DMD: variants seen among roughly 807,000 people sequenced by gnomAD.
DMD encodes the protein dystrophin, also known as mutant dystrophin.
DMD carries 63 observed loss-of-function variants against 330.1 expected under a neutral mutation model. The ratio of observed to expected loss-of-function variants is 0.19; its 90% CI spans 0.16 to 0.24. The LOEUF is 0.24. Among genes scored for constraint, DMD ranks in the 10% least tolerant of loss-of-function variants. DMD has a pLI of 1.00. For synonymous variants in DMD, 1,223 were observed against 959.8 expected (o/e 1.27, Z -5.07); for missense variants, 3,344 against 2,684.1 (o/e 1.25, Z -5.43).
intron 43 of DMD, among the ~76,000 whole-genome samples, chrX:32,233,599 T>TTTATTTA (rs1557228748): frequency 6.1e-4 from 54 of 87,936 alleles, no homozygotes; most frequent in East Asian, 5.4e-3. Context: ...TTTCTTTTTC[T>TTTATTTA]TTTATTTATT....
At chrX:31,757,705 C>T (rs756377338) in intron 51 of DMD, among the ~76,000 whole-genome samples, 9 of 110,109 alleles carry the variant, frequency 8.2e-5, no homozygotes, top group Non-Finnish European at 3.8e-5. Flanking sequence ...CTAATCACCC[C>T]CCCAAACCCC....
intron 48 of DMD, among the ~76,000 whole-genome samples, chrX:31,842,140 C>T (rs922960781): frequency 1.3e-4 from 14 of 111,396 alleles, no homozygotes; most frequent in African/African-American, 4.2e-4. Flanking sequence ...TATTCCAACC[C>T]TCATGAATGC....
chrX:32,752,984 A>G (rs1274361828), intron 7 of DMD, among the ~76,000 whole-genome samples: 1 of 110,731 alleles, frequency 9.0e-6, no homozygotes, highest in East Asian at 2.9e-4. Flanking sequence ...AAATTACCCA[A>G]TCTCAGGTAT....
rs1341464423 is a variant in DMD, at chrX:33,009,234, ATATACACATGTGCATATATGTGTATG to A, written c.93+10879_93+10904del. ...TACACATATGTGCATATATGTGTAT[ATATACACATGTGCATATATGTGTATG>A]TGTGTATATATACACATATGTGTAT... is the stretch of plus-strand genomic sequence containing the variant. On this transcript the variant is annotated intron_variant, in intron 2 of 78. Coordinates refer to ENST00000357033, the MANE Select transcript of DMD (RefSeq NM_004006.3). 1.2e-3 allele frequency among the ~76,000 whole-genome samples: 110 copies of A among 88,522 alleles called. 8 individuals are homozygous for A. The highest frequency in any genetic ancestry group is 3.8e-3 in the African/African-American group (82 of 21,447). 76.9% of individuals were successfully genotyped at this position (88,522 alleles called of 115,157 possible). A position where few individuals can be genotyped will look rare whatever the true frequency, so the allele number is the denominator to read the frequency against.
chrX:32,441,929 T>A (rs1487396528), intron 27 of DMD, among the ~76,000 whole-genome samples: 1 of 111,248 alleles, frequency 9.0e-6, no homozygotes, highest in Non-Finnish European at 1.9e-5. Flanking sequence ...TGGACTATTT[T>A]TCCACATTCT....
At chrX:31,407,777 A>C (rs2061469387) in intron 60 of DMD, among the ~76,000 whole-genome samples, 1 of 110,138 alleles carries the variant, frequency 9.1e-6, no homozygotes, top group Admixed American at 9.8e-5. Flanking sequence ...ACCGCACCCG[A>C]TCTATCTTAT....
chrX:32,622,718 C>A (rs1200752798), intron 11 of DMD, among the ~76,000 whole-genome samples: 1 of 111,798 alleles, frequency 8.9e-6, no homozygotes, highest in African/African-American at 3.3e-5. Context: ...CATCTCACTT[C>A]CTTATGTTAT....
At chrX:31,378,385 A>G (rs1286067050) in intron 60 of DMD, among the ~76,000 whole-genome samples, 1 of 110,524 alleles carries the variant, frequency 9.0e-6, no homozygotes, top group Non-Finnish European at 1.9e-5. Flanking sequence ...TCTCCTTTCA[A>G]TCTTGGCGCC....
At chrX:32,926,515 G>A (rs2089026497) in intron 2 of DMD, among the ~76,000 whole-genome samples, 1 of 111,092 alleles carries the variant, frequency 9.0e-6, no homozygotes, top group African/African-American at 3.3e-5. Flanking sequence ...TTTGGGAGGC[G>A]GAAGCGGGCG....
Position 31,176,270 on chromosome X carries a change from T to C in DMD, c.10262+1662A>G, listed in dbSNP as rs1049726183. ...TCTGAATAATCTAACCAACTCTTCA[T>C]AAAAAGGCAAATTGGGAGGTGTGTT... On this transcript the variant is annotated intron_variant, in intron 71 of 78. Transcript: ENST00000357033. Among the ~76,000 whole-genome samples the C allele has an allele frequency of 1.1e-4, 12 of 111,741 alleles. No individual in the cohort carries two copies. In the Admixed American group the frequency reaches 1.1e-3, roughly 11 times the overall value.
chrX:32,439,817 T>G (rs1281173873), intron 28 of DMD, among the ~76,000 whole-genome samples: 3 of 111,278 alleles, frequency 2.7e-5, no homozygotes, highest in Admixed American at 9.6e-5. Flanking sequence ...TAGGAACAAT[T>G]TGAAATTATG....
intron 1 of DMD, among the ~76,000 whole-genome samples, chrX:33,249,533 A>G (rs73459935): frequency 0.088 from 9,771 of 111,486 alleles, 1,078 homozygotes; most frequent in African/African-American, 0.3. Context: ...ACATACTTAC[A>G]TAAATTTGAT....
At chrX:31,227,727 C>T (rs1187999758) in intron 63 of DMD, among the ~76,000 whole-genome samples, 2 of 111,041 alleles carry the variant, frequency 1.8e-5, no homozygotes, top group African/African-American at 6.6e-5. Context: ...TCTTCCTACC[C>T]ATGAGCATGG....
chrX:32,871,229 A>C (rs2082971790), intron 2 of DMD, among the ~76,000 whole-genome samples: 1 of 110,132 alleles, frequency 9.1e-6, no homozygotes, highest in Non-Finnish European at 1.9e-5. Context: ...GTCTTCTGAA[A>C]CCCTAGAATA....
intron 48 of DMD, among the ~76,000 whole-genome samples, chrX:31,857,380 GAAAAAAAAAAA>G (rs57685055): frequency 1.9e-4 from 7 of 36,786 alleles, no homozygotes; most frequent in African/African-American, 3.5e-4. Context: ...CTCCACCTCG[GAAAAAAAAAAA>G]AAAAAAAAAA....
At chrX:32,879,539 G>A (rs748330424) in intron 2 of DMD, among the ~76,000 whole-genome samples, 2 of 112,138 alleles carry the variant, frequency 1.8e-5, no homozygotes, top group South Asian at 3.7e-4. Flanking sequence ...AGTGATCGTC[G>A]TTCATTCAAA....
intron 17 of DMD, among the ~76,000 whole-genome samples, chrX:32,522,151 G>T (rs775581534): frequency 3.6e-5 from 4 of 111,931 alleles, no homozygotes; most frequent in African/African-American, 1.3e-4. Flanking sequence ...TCCTTCCCAT[G>T]TTTAATGTAT....
Position 31,569,984 on chromosome X carries a change from A to C in DMD, c.8217+57689T>G, listed in dbSNP as rs2075724473. On this transcript the variant is annotated intron_variant, in intron 55 of 78. Coordinates refer to ENST00000357033, the MANE Select transcript of DMD (RefSeq NM_004006.3). ...GAGATTTATCTAAACATTTAAACAA[A>C]CACTGATACAACACTATTAACAAAA... is the stretch of plus-strand genomic sequence containing the variant. Among the ~76,000 whole-genome samples the C allele has an allele frequency of 4.5e-5, 5 of 110,922 alleles. No homozygotes were observed. The South Asian group carries it at 1.9e-3, about 42-fold the overall frequency.
chrX:32,983,709 C>T (rs918902648), intron 2 of DMD, among the ~76,000 whole-genome samples: 2 of 110,765 alleles, frequency 1.8e-5, no homozygotes, highest in Non-Finnish European at 3.8e-5. Context: ...ATAGGATATC[C>T]GTATTATTTC....
Sources: gnomAD v4.1 joint callset for allele counts (sites outside exome capture counted in the v4.1 genomes callset) on GRCh38, gnomAD v4.1.1 for gene constraint, MANE v1.5 for transcripts, NCBI Gene and HGNC (gene_info 2026-07-23, HGNC 2026-07-21) for gene names.